EFNA5: variants seen among roughly 807,000 people sequenced by gnomAD.
EFNA5 encodes ephrin A5, also known as ephrin-A5.
A neutral mutation model predicts 22.9 loss-of-function variants in EFNA5; 5 were observed. The ratio of observed to expected loss-of-function variants is 0.22; its 90% CI spans 0.11 to 0.46. The LOEUF (loss-of-function observed/expected upper bound fraction) is 0.46. Among genes scored for constraint, EFNA5 ranks in the 20% least tolerant of loss-of-function variants. The pLI is 0.99. For synonymous variants in EFNA5, 113 were observed against 112.2 expected (o/e 1.01, Z -0.04); for missense variants, 237 against 293.3 (o/e 0.81, Z 1.40).
At chr5:107,572,978 G>A (rs927683112) in intron 1 of EFNA5, among the ~76,000 whole-genome samples, 2 of 152,116 alleles carry the variant, frequency 1.3e-5, no homozygotes, top group Non-Finnish European at 2.9e-5. Flanking sequence ...AATTGGAGAC[G>A]CTTACTTAAG....
At chr5:107,604,278 C>T (rs944028511) in intron 1 of EFNA5, among the ~76,000 whole-genome samples, 3 of 152,108 alleles carry the variant, frequency 2.0e-5, no homozygotes, top group African/African-American at 7.2e-5. Flanking sequence ...CTCCTGGGCT[C>T]AAGCAATCGT....
intron 1 of EFNA5, among the ~76,000 whole-genome samples, chr5:107,648,076 A>C (rs1750662060): frequency 6.6e-6 from 1 of 152,186 alleles, no homozygotes; most frequent in African/African-American, 2.4e-5. Context: ...ACTGAAAAAA[A>C]GTTTAACTGA....
intron 1 of EFNA5, among the ~76,000 whole-genome samples, chr5:107,511,002 T>TGTG (rs1747355604): frequency 7.1e-6 from 1 of 140,300 alleles, no homozygotes; most frequent in African/African-American, 2.7e-5. Context: ...TTCTTTTTCT[T>TGTG]TGTGTGTGTG....
At chr5:107,573,584 T>C (rs1459958899) in intron 1 of EFNA5, among the ~76,000 whole-genome samples, 1 of 152,116 alleles carries the variant, frequency 6.6e-6, no homozygotes, top group Non-Finnish European at 1.5e-5. Context: ...TAGACCTGTT[T>C]TGCCAAAATA....
At chr5:107,515,201 T>C (rs1036375596) in intron 1 of EFNA5, among the ~76,000 whole-genome samples, 11 of 150,052 alleles carry the variant, frequency 7.3e-5, no homozygotes, top group Admixed American at 2.7e-4. Flanking sequence ...CACACCTGGC[T>C]AATTTTTGTA....
chr5:107,661,126 A>AAAAG (rs1750947674), intron 1 of EFNA5, among the ~76,000 whole-genome samples: 1 of 139,356 alleles, frequency 7.2e-6, no homozygotes, highest in African/African-American at 2.6e-5. Context: ...AAAAAAAAAA[A>AAAAG]AAGAAGAAGA....
intron 1 of EFNA5, among the ~76,000 whole-genome samples, chr5:107,475,318 C>T (rs1323385798): frequency 2.0e-5 from 3 of 152,234 alleles, no homozygotes; most frequent in African/African-American, 4.8e-5. Flanking sequence ...ATACTTCACA[C>T]TTACCCAGCT....
chr5:107,415,773 C>G (rs1456834465), intron 2 of EFNA5, among the ~76,000 whole-genome samples: 1 of 152,246 alleles, frequency 6.6e-6, no homozygotes, highest in African/African-American at 2.4e-5. Flanking sequence ...CTGTAAAACA[C>G]TGGTGGATTT....
chr5:107,655,641 A>G (rs1159165551), intron 1 of EFNA5, among the ~76,000 whole-genome samples: 1 of 152,122 alleles, frequency 6.6e-6, no homozygotes, highest in Non-Finnish European at 1.5e-5. Flanking sequence ...ACAACATTAC[A>G]AAATGATTAT....
intron 1 of EFNA5, among the ~76,000 whole-genome samples, chr5:107,492,773 C>T (rs540607722): frequency 2.6e-5 from 4 of 152,160 alleles, no homozygotes; most frequent in African/African-American, 4.8e-5. Context: ...CCGAGGCGGG[C>T]GGATCATCTG....
intron 2 of EFNA5, 105 bp downstream of exon 2, chr5:107,427,112 C>A: frequency 8.3e-7 from 1 of 1,207,094 alleles, no homozygotes; most frequent in East Asian, 2.5e-5. Flanking sequence ...AAGGAGATAT[C>A]TGTAATGCAG....
At chr5:107,633,949 T>C (rs1305131989) in intron 1 of EFNA5, among the ~76,000 whole-genome samples, 4 of 151,828 alleles carry the variant, frequency 2.6e-5, no homozygotes, top group Non-Finnish European at 5.9e-5. Context: ...TCTTATATCT[T>C]CCAGAAAAAA....
intron 1 of EFNA5, among the ~76,000 whole-genome samples, chr5:107,497,791 C>T (rs1013042959): frequency 2.6e-5 from 4 of 152,186 alleles, no homozygotes; most frequent in Non-Finnish European, 5.9e-5. Context: ...TTCCTTTCTT[C>T]CACAAACTTT....
chr5:107,644,650 A>C (rs564634577), intron 1 of EFNA5, among the ~76,000 whole-genome samples: 97 of 152,270 alleles, frequency 6.4e-4, no homozygotes, highest in Middle Eastern at 3.4e-3. Flanking sequence ...GAGTTTAAGA[A>C]GTGAATTTCC....
intron 1 of EFNA5, among the ~76,000 whole-genome samples, chr5:107,587,001 C>T (rs1749201161): frequency 2.0e-5 from 3 of 152,122 alleles, no homozygotes; most frequent in Non-Finnish European, 4.4e-5. Context: ...ATGGAATCTT[C>T]CCAGATCCAT....
At chr5:107,520,510 G>A (rs76756685) in intron 1 of EFNA5, among the ~76,000 whole-genome samples, 4,370 of 152,280 alleles carry the variant, frequency 0.029, 172 homozygotes, top group African/African-American at 0.095. Context: ...GGCACAAAAT[G>A]TTGAGCATCT....
intron 1 of EFNA5, among the ~76,000 whole-genome samples, chr5:107,590,395 A>ATT (rs34410566): frequency 2.1e-5 from 3 of 145,000 alleles, no homozygotes. Flanking sequence ...TATAGACATA[A>ATT]TTTTTTTTTT....
At position 107,592,006 on chromosome 5, in the gene EFNA5, A is replaced by T. The variant is rs1386231689; in HGVS notation, c.125+78483T>A. ...ATAATATATAATATATATAATATATAATATATATAATATAATATATATTAT... is the reference window on the plus strand; with the variant it reads ...ATAATATATAATATATATAATATATTATATATATAATATAATATATATTAT... On this transcript the variant is annotated intron_variant, in intron 1 of 4. Coordinates refer to ENST00000333274, the MANE Select transcript of EFNA5 (RefSeq NM_001962.3). 1.6e-4 allele frequency among the ~76,000 whole-genome samples: 7 copies of T among 44,290 alleles called. 1 individual carries two copies. The highest frequency in any genetic ancestry group is 5.6e-4 in the African/African-American group (4 of 7,188). 29.1% of individuals were successfully genotyped at this position (44,290 alleles called of 152,430 possible).
chr5:107,399,527 G>C (rs1462434874), intron 2 of EFNA5, among the ~76,000 whole-genome samples: 2 of 152,174 alleles, frequency 1.3e-5, no homozygotes, highest in Non-Finnish European at 2.9e-5. Context: ...CCAGTGAACA[G>C]AGAATAAAAG....
Sources: allele counts gnomAD v4.1 joint callset (sites outside exome capture counted in the v4.1 genomes callset), GRCh38; gene constraint gnomAD v4.1.1; transcripts MANE v1.5; gene names NCBI Gene and HGNC (gene_info 2026-07-23, HGNC 2026-07-21).